Variants in XKR9 observed in about 807,000 individuals in gnomAD.
The protein encoded by XKR9 is XK-related protein 9.
Under a neutral mutation model 32.0 loss-of-function variants are expected in XKR9, and 32 were observed. That is an observed-to-expected ratio of 1.00 (90% CI 0.76 to 1.34). The LOEUF is 1.34. Ranked by LOEUF, XKR9 falls within the 40% of genes most tolerant of loss-of-function variation. XKR9 has a pLI of 0.00. For missense variants in XKR9, 546 were observed against 429.7 expected, an observed-to-expected ratio of 1.27 and a Z score of -2.39; for synonymous variants, 168 against 143.4, an observed-to-expected ratio of 1.17 and a Z score of -1.22.
At chr8:70,703,908 C>T (rs897292663) in intron 3 of XKR9, among the ~76,000 whole-genome samples, 19 of 152,018 alleles carry the variant, frequency 1.2e-4, no homozygotes, top group South Asian at 4.2e-4. Context: ...ACAGGCTGGG[C>T]GTGGTACCTC....
At chr8:70,955,391 A>G in the XKR9 span, among the ~76,000 whole-genome samples, 1 of 152,194 alleles carries the variant, frequency 6.6e-6, no homozygotes. Flanking sequence ...GAGAAATGTC[A>G]TGATTTTTAA....
At chr8:70,778,936 T>C (rs1807572549) in intron 2 of XKR9, among the ~76,000 whole-genome samples, 2 of 151,676 alleles carry the variant, frequency 1.3e-5, no homozygotes, top group Non-Finnish European at 2.9e-5. Context: ...GGAATACCCT[T>C]TATTTCTCTT....
chr8:70,880,720 C>T, the XKR9 span, among the ~76,000 whole-genome samples: 2 of 152,224 alleles, frequency 1.3e-5, no homozygotes, highest in East Asian at 1.9e-4. Context: ...AGATTCAATG[C>T]CATCCCCATC....
the XKR9 span, among the ~76,000 whole-genome samples, chr8:70,900,514 G>A: frequency 2.0e-5 from 3 of 151,872 alleles, no homozygotes; most frequent in East Asian, 3.9e-4. Context: ...GCTTGAACCT[G>A]GGGGACAGAG....
chr8:70,930,731 C>T, the XKR9 span, among the ~76,000 whole-genome samples: 3 of 152,092 alleles, frequency 2.0e-5, no homozygotes, highest in Non-Finnish European at 4.4e-5. Context: ...AGGTTCATGG[C>T]GTGGCTCAGG....
chr8:70,674,698 A>G (rs867596019), intron 1 of XKR9, 120 bp from the exon 2 acceptor site: 2 of 152,226 alleles, frequency 1.3e-5, no homozygotes, highest in African/African-American at 2.4e-5. Context: ...TGTATTCACA[A>G]TGACACAGAC....
intron 4 of XKR9, among the ~76,000 whole-genome samples, chr8:70,732,392 G>A (rs898989336): frequency 7.2e-5 from 11 of 152,204 alleles, no homozygotes; most frequent in Non-Finnish European, 1.0e-4. Context: ...TGCACATTGG[G>A]TGGGCAGCAC....
chr8:70,755,776 G>C (rs1049772754), intron 2 of XKR9, among the ~76,000 whole-genome samples: 1 of 142,880 alleles, frequency 7.0e-6, no homozygotes, highest in Non-Finnish European at 1.5e-5. Context: ...GGGGGAGGGG[G>C]GGAGGGTTAG....
the XKR9 span, among the ~76,000 whole-genome samples, chr8:70,924,949 G>A: frequency 6.6e-6 from 1 of 152,120 alleles, no homozygotes; most frequent in East Asian, 1.9e-4. Flanking sequence ...TCCAAGGCAG[G>A]AGCATCAAAA....
At chr8:70,714,147 A>G (rs922529122) in intron 4 of XKR9, among the ~76,000 whole-genome samples, 30 of 152,082 alleles carry the variant, frequency 2.0e-4, no homozygotes, top group African/African-American at 7.0e-4. Context: ...TTACAGTGAC[A>G]CTAGTCCTAA....
the XKR9 span, among the ~76,000 whole-genome samples, chr8:70,950,621 G>T: frequency 5.6e-4 from 85 of 152,190 alleles, no homozygotes; most frequent in African/African-American, 2.0e-3. Flanking sequence ...GCCATCCAAT[G>T]GTTGTGGAGA....
chr8:70,792,105 A>G (rs1270196018), downstream of XKR9, among the ~76,000 whole-genome samples: 1 of 152,094 alleles, frequency 6.6e-6, no homozygotes, highest in Non-Finnish European at 1.5e-5. Flanking sequence ...TGTTTTTGCA[A>G]TTTAGAGATA....
At chr8:70,932,672 C>T in the XKR9 span, among the ~76,000 whole-genome samples, 1 of 152,182 alleles carries the variant, frequency 6.6e-6, no homozygotes, top group South Asian at 2.1e-4. Flanking sequence ...GCCCTTCTCC[C>T]TGGCTTGTGG....
the XKR9 span, among the ~76,000 whole-genome samples, chr8:70,915,520 T>C: frequency 6.6e-6 from 1 of 152,186 alleles, no homozygotes; most frequent in African/African-American, 2.4e-5. Context: ...TCATGATTTT[T>C]CTATGTCTGA....
chr8:70,754,976 A>T (rs1447453883), intron 2 of XKR9, among the ~76,000 whole-genome samples: 4 of 152,178 alleles, frequency 2.6e-5, no homozygotes, highest in Non-Finnish European at 5.9e-5. Flanking sequence ...GTGAACAGGC[A>T]ACCTACAAAA....
chr8:70,855,238 TA>T, the XKR9 span, among the ~76,000 whole-genome samples: 1 of 151,950 alleles, frequency 6.6e-6, no homozygotes, highest in African/African-American at 2.4e-5. Context: ...AAAAAAAAAT[TA>T]GACGAATGGT....
At chr8:70,717,374 C>T (rs1004626951) in intron 4 of XKR9, among the ~76,000 whole-genome samples, 1 of 152,204 alleles carries the variant, frequency 6.6e-6, no homozygotes, top group African/African-American at 2.4e-5. Flanking sequence ...AAAATTCTGC[C>T]TGGAAACCCA....
chr8:70,784,346 C>CT (rs1807655406), intron 2 of XKR9, among the ~76,000 whole-genome samples: 1 of 152,158 alleles, frequency 6.6e-6, no homozygotes, highest in Admixed American at 6.5e-5. Context: ...TGTGGAATAT[C>CT]TTTTAATTTA....
chr8:71,025,256 G>A, the XKR9 span, among the ~76,000 whole-genome samples: 1 of 152,130 alleles, frequency 6.6e-6, no homozygotes, highest in African/African-American at 2.4e-5. Context: ...GCAACTCTCA[G>A]ATAGATAAGA....
Sources: allele counts gnomAD v4.1 joint callset (sites outside exome capture counted in the v4.1 genomes callset), GRCh38; gene constraint gnomAD v4.1.1; transcripts MANE v1.5; gene names NCBI Gene and HGNC (gene_info 2026-07-23, HGNC 2026-07-21).